Variants in PIWIL2 observed in about 807,000 individuals in gnomAD.
PIWIL2 encodes the protein piwi like RNA-mediated gene silencing 2.
PIWIL2 carries 81 observed loss-of-function variants against 116.5 expected under a neutral mutation model. The ratio of observed to expected loss-of-function variants is 0.70; its 90% CI spans 0.58 to 0.84. The LOEUF (loss-of-function observed/expected upper bound fraction) is 0.84, where lower values mean the gene tolerates loss of function less well. Ranked by LOEUF, PIWIL2 falls within the 40% of genes least tolerant of loss-of-function variation. The pLI is 0.00. For missense variants in PIWIL2, 1,272 were observed against 1,212.3 expected (o/e 1.05, Z -0.73); for synonymous variants, 489 against 429.5 (o/e 1.14, Z -1.71).
At chr8:22,317,339 C>G (rs971861619) in intron 19 of PIWIL2, among the ~76,000 whole-genome samples, 1 of 152,164 alleles carries the variant, frequency 6.6e-6, no homozygotes, top group Non-Finnish European at 1.5e-5. Context: ...TATATACTTT[C>G]AGATTCTCTT....
At chr8:22,352,568 T>G (rs1313163866) in intron 20 of PIWIL2, among the ~76,000 whole-genome samples, 2 of 152,226 alleles carry the variant, frequency 1.3e-5, no homozygotes, top group Non-Finnish European at 2.9e-5. Flanking sequence ...TTAGAATTTC[T>G]CTAACACTTT....
chr8:22,296,020 C>CTTTTTTTTTT lies in PIWIL2; in HGVS notation c.1181+5703_1181+5712dup, dbSNP rs67357452. 1.8e-4 allele frequency among the ~76,000 whole-genome samples: 19 copies of CTTTTTTTTTT among 102,844 alleles called. 1 individual carries two copies. Among genetic ancestry groups the CTTTTTTTTTT allele is most frequent in the East Asian group, 7.4e-4 (3 of 4,074 alleles). 67.5% of individuals were successfully genotyped at this position (102,844 alleles called of 152,430 possible). A position where few individuals can be genotyped will look rare whatever the true frequency, so the allele number is the denominator to read the frequency against. On this transcript the variant is annotated intron_variant, in intron 10 of 22. Transcript: ENST00000356766. ...ACTGTCTTGGGGTTCCTCTTCCCTT[C>CTTTTTTTTTT]TTTTTTTTTTTTTTTTTTTTTTTTT...
At chr8:22,303,690 G>A (rs1475310536) in intron 10 of PIWIL2, among the ~76,000 whole-genome samples, 1 of 152,128 alleles carries the variant, frequency 6.6e-6, no homozygotes, top group African/African-American at 2.4e-5. Flanking sequence ...CATCATGCCT[G>A]GTAGGCCTAT....
At chr8:22,333,866 T>C (rs1831918539) in intron 20 of PIWIL2, among the ~76,000 whole-genome samples, 1 of 151,958 alleles carries the variant, frequency 6.6e-6, no homozygotes, top group African/African-American at 2.4e-5. Flanking sequence ...TTGTAGCATA[T>C]GAATTATAGC....
Position 22,355,354 on chromosome 8 carries a change from C to G in PIWIL2, c.2771C>G (p.Thr924Ser), listed in dbSNP as rs1303229538. ...ATTTTCTTCTTGGCCTACAGGCTGA[C>G]TTTCAAACTGTGCCACATGTACTGG... Reference protein sequence around the residue: ...NLSPDHMQRLTFKLCHMYWNW... With the variant: ...NLSPDHMQRLSFKLCHMYWNW... Residue 924 changes from threonine (T) to serine (S), a missense_variant, in exon 23 of 23, where the codon ACT becomes AGT. Physicochemically the swap from Thr to Ser is moderately conservative, Grantham distance 58. Transcript: ENST00000356766. 1 of 1,614,176 alleles carries G rather than the reference C, an allele frequency of 6.2e-7. No individual in the cohort carries two copies. Among genetic ancestry groups the G allele is most frequent in the Admixed American group, 1.7e-5 (1 of 60,024 alleles).
intron 7 of PIWIL2, among the ~76,000 whole-genome samples, chr8:22,288,172 C>T (rs558152624): frequency 1.3e-4 from 20 of 152,190 alleles, no homozygotes; most frequent in Non-Finnish European, 2.9e-4. Flanking sequence ...GTGGCAGGCG[C>T]CTGTAGTCCC....
rs564047564 is a variant in PIWIL2 at position 22,348,937 on chromosome 8, C to T, written c.2404-4022C>T. Among the ~76,000 whole-genome samples, 4 of 152,220 alleles carry T rather than the reference C, an allele frequency of 2.6e-5. No homozygotes were observed. The East Asian group carries it at 7.7e-4, about 29-fold the overall frequency. On this transcript the variant is annotated intron_variant, in intron 20 of 22. Coordinates refer to ENST00000356766, the MANE Select transcript of PIWIL2 (RefSeq NM_018068.5). ...TGATTCCTTTCGGTTCTGTTGGAGG[C>T]CTACCTAGGGCTGAGTGTGGTGCCT...
rs746263872 is a variant in PIWIL2, at chr8:22,281,116, A to G, written c.199-4A>G. 6 of 1,598,614 alleles carry G rather than the reference A, an allele frequency of 3.8e-6. No homozygotes were observed. Among genetic ancestry groups the G allele is most frequent in the African/African-American group, 2.7e-5 (2 of 74,292 alleles). On this transcript the variant is annotated splice_polypyrimidine_tract_variant and splice_region_variant and intron_variant, in intron 2 of 22. Coordinates refer to ENST00000356766, the MANE Select transcript of PIWIL2 (RefSeq NM_018068.5). ...TTAGAACTTTATTCTTTGACTTTCCACAGGAGTCTGTGGGTTTGGTCTCCA... is the reference window on the plus strand; with the variant it reads ...TTAGAACTTTATTCTTTGACTTTCCGCAGGAGTCTGTGGGTTTGGTCTCCA...
chr8:22,291,482 A>G (rs765531341), intron 10 of PIWIL2, among the ~76,000 whole-genome samples: 4 of 152,066 alleles, frequency 2.6e-5, no homozygotes, highest in Non-Finnish European at 4.4e-5. Context: ...GTTGCATGAA[A>G]TCTCATCTTA....
chr8:22,312,637 G>GTT (rs1831361114), intron 16 of PIWIL2, among the ~76,000 whole-genome samples: 1 of 152,034 alleles, frequency 6.6e-6, no homozygotes, highest in African/African-American at 2.4e-5. Context: ...TCTTTGGTGT[G>GTT]TTTCTCTCTC....
chr8:22,289,309 C>T (rs937355973), intron 8 of PIWIL2, among the ~76,000 whole-genome samples: 2 of 152,056 alleles, frequency 1.3e-5, no homozygotes, highest in Non-Finnish European at 2.9e-5. Context: ...TGCGCTGCCA[C>T]GTCTGGCTAA....
chr8:22,346,368 A>T (rs1832226656), intron 20 of PIWIL2, among the ~76,000 whole-genome samples: 1 of 152,222 alleles, frequency 6.6e-6, no homozygotes, highest in Non-Finnish European at 1.5e-5. Flanking sequence ...CCTGCCAGGG[A>T]AGAATGCCTT....
At chr8:22,316,130 C>G in intron 18 of PIWIL2, 115 bp from the exon 19 acceptor site, 1 of 606,454 alleles carries the variant, frequency 1.6e-6, no homozygotes, top group Non-Finnish European at 3.0e-6. Flanking sequence ...CCAGAACTTA[C>G]TTTCATGTAT....
rs1430300216 is a variant in PIWIL2, at chr8:22,338,879, CAT to C, written c.2404-14078_2404-14077del. On this transcript the variant is annotated intron_variant, in intron 20 of 22. Transcript: ENST00000356766. Reference sequence around the variant, plus strand: ...TCAAATTCATATGGAAATGCAAAAACATAGAATAGTCAAGAACATCTTTAAAA... The same window carrying C: ...TCAAATTCATATGGAAATGCAAAAACAGAATAGTCAAGAACATCTTTAAAA... Among the ~76,000 whole-genome samples, 12 of 152,076 alleles carry C rather than the reference CAT, an allele frequency of 7.9e-5. No individual in the cohort carries two copies. In the East Asian group the frequency reaches 2.1e-3, roughly 27 times the overall value.
At chr8:22,345,920 CAAAG>C (rs1047675171) in intron 20 of PIWIL2, among the ~76,000 whole-genome samples, 3 of 152,034 alleles carry the variant, frequency 2.0e-5, no homozygotes, top group Non-Finnish European at 2.9e-5. Flanking sequence ...TTCTAGGAGT[CAAAG>C]GAAGGAGGCA....
rs745498159 is a variant in PIWIL2 at position 22,353,248 on chromosome 8, T to C, written c.2657+36T>C. 2.5e-6 allele frequency: 4 copies of C among 1,571,620 alleles called. No individual in the cohort carries two copies. The African/African-American group carries it at 5.4e-5, about 21-fold the overall frequency. ...AAAATATGTAGTATTGGAGGAAGAA[T>C]AAGTTGGAGATGTTGTCACTTTCCT... On this transcript the variant is annotated intron_variant, in intron 21 of 22. Coordinates refer to ENST00000356766, the MANE Select transcript of PIWIL2 (RefSeq NM_018068.5).
At chr8:22,347,714 A>T (rs1024900323) in intron 20 of PIWIL2, among the ~76,000 whole-genome samples, 2 of 150,128 alleles carry the variant, frequency 1.3e-5, no homozygotes, top group Non-Finnish European at 3.0e-5. Context: ...TTTAGTAGAG[A>T]CGGGGTTTCA....
At chr8:22,320,325 G>A (rs894006940) in intron 20 of PIWIL2, among the ~76,000 whole-genome samples, 6 of 147,384 alleles carry the variant, frequency 4.1e-5, no homozygotes, top group Admixed American at 6.9e-5. Flanking sequence ...GTACAGTGGC[G>A]CAATCTCAGC....
rs774137732 is a variant in PIWIL2 at position 22,307,918 on chromosome 8, T to C, written c.1546-15T>C. 2 of 1,579,974 alleles carry C rather than the reference T, an allele frequency of 1.3e-6. No homozygotes were observed. Among genetic ancestry groups the C allele is most frequent in the Non-Finnish European group, 1.7e-6 (2 of 1,156,710 alleles). ...AGTTATCTTTATAAGTTATCTTTAT[T>C]TTAATTCTGTTTAGGATTTGGCTCA... On this transcript the variant is annotated splice_polypyrimidine_tract_variant and intron_variant, in intron 13 of 22. Transcript: ENST00000356766.
Sources: allele counts gnomAD v4.1 joint callset (sites outside exome capture counted in the v4.1 genomes callset), GRCh38; gene constraint gnomAD v4.1.1; transcripts MANE v1.5; gene names NCBI Gene and HGNC (gene_info 2026-07-23, HGNC 2026-07-21).